Variants in TEX14 observed in about 807,000 individuals in gnomAD.
The protein encoded by TEX14 is inactive serine/threonine-protein kinase TEX14.
TEX14 carries 168 observed loss-of-function variants against 178.6 expected under a neutral mutation model. That is an observed-to-expected ratio of 0.94 (90% CI 0.83 to 1.07). The LOEUF (loss-of-function observed/expected upper bound fraction) is 1.07, where lower values mean the gene tolerates loss of function less well. Among genes scored for constraint, TEX14 ranks in the 50% least tolerant of loss-of-function variants. The pLI is 0.00. For missense variants in TEX14, 1,730 were observed against 1,753.6 expected, an observed-to-expected ratio of 0.99 and a Z score of 0.24; for synonymous variants, 626 against 634.1, an observed-to-expected ratio of 0.99 and a Z score of 0.19.
chr17:58,590,451 T>A (rs907558661), intron 15 of TEX14, among the ~76,000 whole-genome samples: 2 of 152,108 alleles, frequency 1.3e-5, no homozygotes. Context: ...CAAAGCATTA[T>A]TTACAAGTAA....
chr17:58,658,654 G>A (rs1229690909), intron 1 of TEX14, among the ~76,000 whole-genome samples: 2 of 152,024 alleles, frequency 1.3e-5, no homozygotes, highest in Non-Finnish European at 1.5e-5. Flanking sequence ...GCCTCCCAAA[G>A]TGCTGGGTTT....
chr17:58,602,702 A>AT lies in TEX14; in HGVS notation c.1337-113dup, dbSNP rs11451118. On this transcript the variant is annotated intron_variant, in intron 11 of 31. Coordinates refer to ENST00000349033, the MANE Select transcript of TEX14 (RefSeq NM_031272.5). ...CTTAGGCAAGTCACTTAACTTCTTT[A>AT]TTTTTTTTTCTAATCCACTGTACTT... The AT allele has an allele frequency of 3.9e-3, 2,849 of 733,152 alleles. 26 individuals carry two copies. The highest frequency in any genetic ancestry group is 0.031 in the African/African-American group (1,755 of 55,890). The allele number at this position is 733,152 out of a possible 1,614,324, so 45.4% of individuals were successfully genotyped here.
Position 58,616,214 on chromosome 17 carries a change from G to A in TEX14, c.728C>T (p.Thr243Ile). 6.2e-7 allele frequency: 1 copy of A among 1,613,952 alleles called. No individual in the cohort carries two copies. The highest frequency in any genetic ancestry group is 2.2e-5 in the East Asian group (1 of 44,876). Residue 243 changes from threonine to isoleucine, a missense_variant, in exon 7 of 32, where the codon ACC (threonine) becomes ATC (isoleucine). This residue lies in a region of TEX14 where 789 missense variants were observed against 681.2 expected (regional missense o/e 1.16). Transcript: ENST00000349033. Reference protein sequence around the residue: ...KEVIQADDEPTFSFFSGPYMV... With the variant: ...KEVIQADDEPIFSFFSGPYMV... ...GTAGGGGCCGCTGAAGAAAGAGAAG[G>A]TGGGCTCATCATCAGCTTGAATCAC...
chr17:58,579,723 A>C lies in TEX14; in HGVS notation c.3180T>G (p.Ser1060Arg), dbSNP rs1331259885. ...VAVEKSYSTSSPIEEDFEGIQ... is the reference protein window; with the variant it reads ...VAVEKSYSTSRPIEEDFEGIQ... ...TTCCTTCAAAGTCCTCTTCTATGGG[A>C]CTCGAGGTCTAAAAAAGAACAAAAG... Residue 1060 changes from serine (S) to arginine (R), a missense_variant, in exon 20 of 32, where the codon AGT becomes AGG. Ser to Arg is a moderately radical substitution (Grantham distance 110). Transcript: ENST00000349033. The C allele has an allele frequency of 2.2e-5, 35 of 1,613,102 alleles. No individual in the cohort carries two copies. Among genetic ancestry groups the C allele is most frequent in the Non-Finnish European group, 2.9e-5 (34 of 1,179,424 alleles).
At chr17:58,560,803 C>CT (rs1312362634) in intron 29 of TEX14, among the ~76,000 whole-genome samples, 3 of 152,164 alleles carry the variant, frequency 2.0e-5, no homozygotes, top group Non-Finnish European at 4.4e-5. Context: ...CACATGTGTC[C>CT]TAGGACTCCT....
chr17:58,666,267 G>C (rs1284313631), intron 1 of TEX14, among the ~76,000 whole-genome samples: 2 of 150,564 alleles, frequency 1.3e-5, no homozygotes, highest in Non-Finnish European at 3.0e-5. Context: ...AGAATAGCTC[G>C]AACTCGGGAG....
intron 2 of TEX14, among the ~76,000 whole-genome samples, chr17:58,645,894 T>C (rs1290771252): frequency 8.5e-5 from 13 of 152,226 alleles, no homozygotes; most frequent in Admixed American, 8.5e-4. Context: ...AATCTATCTA[T>C]GTATCTATCC....
chr17:58,600,894 AGCCTGATGACTGCAAGGTCCTT>A (rs1346483080), intron 13 of TEX14, among the ~76,000 whole-genome samples: 1 of 152,168 alleles, frequency 6.6e-6, no homozygotes, highest in African/African-American at 2.4e-5. Context: ...GAAGGCATTA[AGCCTGATGACTGCAAGGTCCTT>A]TCCAGTTCTA....
intron 1 of TEX14, chr17:58,675,366 T>C (rs1193188580): frequency 3.9e-5 from 6 of 154,568 alleles, no homozygotes; most frequent in African/African-American, 1.2e-4. Context: ...GCCTTGAGTG[T>C]GTTGAGCCCA....
At chr17:58,639,378 C>A (rs988088294) in intron 2 of TEX14, among the ~76,000 whole-genome samples, 1 of 151,526 alleles carries the variant, frequency 6.6e-6, no homozygotes, top group Non-Finnish European at 1.5e-5. Flanking sequence ...GATGGGTGTA[C>A]CAAAATCTCA....
chr17:58,662,194 G>A (rs1157919914), intron 1 of TEX14, among the ~76,000 whole-genome samples: 1 of 151,106 alleles, frequency 6.6e-6, no homozygotes, highest in East Asian at 2.0e-4. Flanking sequence ...GCTCACTCCT[G>A]TAATCCCCCA....
intron 2 of TEX14, among the ~76,000 whole-genome samples, chr17:58,647,356 C>A (rs2046733520): frequency 6.6e-6 from 1 of 151,512 alleles, no homozygotes; most frequent in South Asian, 2.1e-4. Context: ...ACGGTGAAAC[C>A]CCATCTCTAC....
intron 14 of TEX14, among the ~76,000 whole-genome samples, chr17:58,595,679 CCTT>C (rs1296267225): frequency 5.3e-5 from 8 of 152,212 alleles, no homozygotes; most frequent in African/African-American, 1.9e-4. Flanking sequence ...GCTTCTTGGA[CCTT>C]CTTGCCCAGT....
At chr17:58,616,339 G>T in intron 6 of TEX14, 34 bp from the exon 7 acceptor site, 1 of 1,602,192 alleles carries the variant, frequency 6.2e-7, no homozygotes, top group South Asian at 1.1e-5. Flanking sequence ...ATTATGGGGA[G>T]AAGGGGGGAA....
intron 2 of TEX14, among the ~76,000 whole-genome samples, chr17:58,646,415 C>T (rs555376284): frequency 1.3e-5 from 2 of 152,190 alleles, no homozygotes; most frequent in African/African-American, 2.4e-5. Flanking sequence ...ACTGGTTTTC[C>T]CGTCAACTCA....
Position 58,599,106 on chromosome 17 carries a change from T to C in TEX14, c.2239A>G (p.Arg747Gly), listed in dbSNP as rs766666192. Residue 747 changes from arginine to glycine, a missense_variant, in exon 14 of 32, where the codon AGG becomes GGG. Arg to Gly is a moderately radical substitution (Grantham distance 125). Coordinates refer to ENST00000349033, the MANE Select transcript of TEX14 (RefSeq NM_031272.5). The stretch of plus-strand genomic sequence containing the variant: ...AATATCTGCTCGATATTCCTCAGCC[T>C]ATCATCATTCTCGTGCATTATTGTC... ...MQTIMHENDD[R>G]LRNIEQILDE... 7 of 1,614,188 alleles carry C rather than the reference T, an allele frequency of 4.3e-6. No homozygotes were observed. The Admixed American group carries it at 1.0e-4, about 23-fold the overall frequency.
intron 1 of TEX14, chr17:58,661,347 C>G: frequency 1.1e-6 from 1 of 904,762 alleles, no homozygotes. Flanking sequence ...CCTTGAAACG[C>G]TGGCACCATC....
chr17:58,565,684 C>T, intron 27 of TEX14, 63 bp downstream of exon 27: 2 of 1,218,350 alleles, frequency 1.6e-6, no homozygotes, highest in Non-Finnish European at 2.4e-6. Context: ...CTATATGTAC[C>T]ACTGTGTTGC....
At chr17:58,571,562 G>T (rs372882568) in intron 24 of TEX14, among the ~76,000 whole-genome samples, 1 of 151,502 alleles carries the variant, frequency 6.6e-6, no homozygotes, top group East Asian at 1.9e-4. Context: ...TCCTGACTAG[G>T]GTACACATAT....
Sources: allele counts gnomAD v4.1 joint callset (sites outside exome capture counted in the v4.1 genomes callset), GRCh38; gene constraint gnomAD v4.1.1; regional missense constraint gnomAD v4.1.1; transcripts MANE v1.5; gene names NCBI Gene and HGNC (gene_info 2026-07-23, HGNC 2026-07-21).